Variants in USP6NL observed in about 807,000 individuals in gnomAD.
USP6NL encodes USP6 N-terminal like.
USP6NL carries 26 observed loss-of-function variants against 61.9 expected under a neutral mutation model. The observed-to-expected ratio is 0.42, with a 90% CI of 0.31 to 0.58. The LOEUF (loss-of-function observed/expected upper bound fraction) is 0.58. Among genes scored for constraint, USP6NL ranks in the 20% least tolerant of loss-of-function variants. USP6NL has a pLI of 0.16. For missense variants in USP6NL, 1,114 were observed against 1,034.3 expected (o/e 1.08, Z -1.06); for synonymous variants, 432 against 390.1 (o/e 1.11, Z -1.27).
chr10:11,603,848 A>G (rs1838629071), intron 1 of USP6NL, among the ~76,000 whole-genome samples: 1 of 152,224 alleles, frequency 6.6e-6, no homozygotes, highest in African/African-American at 2.4e-5. Context: ...GAAAATCGGA[A>G]AACTTATGGA....
chr10:11,555,451 T>TATATAGAGAGAG (rs1427219382), intron 2 of USP6NL, among the ~76,000 whole-genome samples: 8 of 60,994 alleles, frequency 1.3e-4, no homozygotes, highest in East Asian at 1.9e-3. Flanking sequence ...TATATATATA[T>TATATAGAGAGAG]AGAGAGAGAG....
chr10:11,482,641 A>G lies in USP6NL; in HGVS notation c.926-719T>C, dbSNP rs143603977. ...GATATCTCTCATTTCAACAAATATG[A>G]TGTGTACTATATGTAAGCATTGTAA... is the stretch of plus-strand genomic sequence containing the variant. On this transcript the variant is annotated intron_variant, in intron 13 of 14. Transcript: ENST00000609104. The surrounding 1 kb of genome is among the most constrained non-coding windows in gnomAD (Gnocchi z 4.0). Among the ~76,000 whole-genome samples, 190 of 152,312 alleles carry G rather than the reference A, an allele frequency of 1.2e-3. 7 individuals are homozygous for G. In the East Asian group the frequency reaches 0.031, roughly 25 times the overall value.
Position 11,602,520 on chromosome 10 carries a change from A to T in USP6NL, c.-83-4803T>A, listed in dbSNP as rs1471021347. Among the ~76,000 whole-genome samples the T allele has an allele frequency of 6.6e-6, 1 of 152,212 alleles. No homozygotes were observed. Among genetic ancestry groups the T allele is most frequent in the East Asian group, 1.9e-4 (1 of 5,192 alleles). Reference sequence around the variant, plus strand: ...CGCAGACACTGCCAAGAACAAAGCCAAGTCTCTCGCATCATGGAATGTACA... The same window carrying T: ...CGCAGACACTGCCAAGAACAAAGCCTAGTCTCTCGCATCATGGAATGTACA... On this transcript the variant is annotated intron_variant, in intron 1 of 14. Coordinates refer to ENST00000609104, the MANE Select transcript of USP6NL (RefSeq NM_014688.5). The surrounding 1 kb of genome is among the most constrained non-coding windows in gnomAD (Gnocchi z 4.8).
In USP6NL at chr10:11,525,506, T is replaced by C; in HGVS notation, c.73-38A>G. On this transcript the variant is annotated intron_variant, in intron 3 of 14. Coordinates refer to ENST00000609104, the MANE Select transcript of USP6NL (RefSeq NM_014688.5). The surrounding 1 kb of genome is among the most constrained non-coding windows in gnomAD (Gnocchi z 5.0). ...ACAAAAAAAGGTGTTAATCAGAGTT[T>C]ATAAAACTGAATAATTTTTTAAAAT... The C allele has an allele frequency of 6.7e-7, 1 of 1,484,778 alleles. No individual in the cohort carries two copies. Among genetic ancestry groups the C allele is most frequent in the Non-Finnish European group, 9.0e-7 (1 of 1,109,566 alleles). 92.0% of individuals were successfully genotyped at this position (1,484,778 alleles called of 1,614,324 possible).
At position 11,553,403 on chromosome 10, in the gene USP6NL, A is replaced by T. The variant is rs1218612795; in HGVS notation, c.5-25836T>A. Among the ~76,000 whole-genome samples the T allele has an allele frequency of 6.6e-6, 1 of 152,218 alleles. No individual in the cohort carries two copies. Among genetic ancestry groups the T allele is most frequent in the Non-Finnish European group, 1.5e-5 (1 of 68,036 alleles). On this transcript the variant is annotated intron_variant, in intron 2 of 14. Coordinates refer to ENST00000609104, the MANE Select transcript of USP6NL (RefSeq NM_014688.5). The surrounding 1 kb of genome is among the most constrained non-coding windows in gnomAD (Gnocchi z 4.8). ...CTCCAGGTTTCCTTGTGTGGATGTC[A>T]TTTCAGCAAGGATACCAGAAATAAT... is the stretch of plus-strand genomic sequence containing the variant.
Position 11,474,449 on chromosome 10 carries a change from T to G in USP6NL, c.1078+7321A>C, listed in dbSNP as rs1244518140. Among the ~76,000 whole-genome samples the G allele has an allele frequency of 6.6e-6, 1 of 152,136 alleles. No individual in the cohort carries two copies. Among genetic ancestry groups the G allele is most frequent in the Non-Finnish European group, 1.5e-5 (1 of 68,010 alleles). ...GAAATTTGATACATTGAAAGGAAAC[T>G]GGATATATTACATTTATAAAGGCAA... On this transcript the variant is annotated intron_variant, in intron 14 of 14. Transcript: ENST00000609104. This position sits in a 1 kb window ranked among gnomAD's most constrained non-coding sequence, Gnocchi z 4.9.
intron 8 of USP6NL, 134 bp downstream of exon 8, chr10:11,492,985 C>T (rs899250555): frequency 3.3e-5 from 22 of 666,032 alleles, no homozygotes; most frequent in East Asian, 2.6e-4. Context: ...ACAACATGGA[C>T]GCAAATGATC....
At chr10:11,469,917 T>A (rs893698497) in intron 14 of USP6NL, among the ~76,000 whole-genome samples, 1 of 152,222 alleles carries the variant, frequency 6.6e-6, no homozygotes, top group Non-Finnish European at 1.5e-5. Context: ...GAACATTTGC[T>A]GATGCTAACG....
Position 11,462,979 on chromosome 10 carries a change from T to C in USP6NL, c.1949A>G (p.Asn650Ser), listed in dbSNP as rs549572103. The C allele has an allele frequency of 6.2e-7, 1 of 1,613,668 alleles. No individual in the cohort carries two copies. The highest frequency in any genetic ancestry group is 1.7e-5 in the Admixed American group (1 of 59,992). The part of the protein sequence containing the change: ...GNSPKHFPTA[N>S]SSFASPQFSP... ...AAACTGTGGAGAAGCAAAGCTGCTG[T>C]TGGCAGTAGGGAAGTGTTTGGGAGA... Residue 650 changes from asparagine to serine, a missense_variant, in exon 15 of 15, where the codon AAC becomes AGC. Physicochemically the swap from Asn to Ser is conservative, Grantham distance 46. Transcript: ENST00000609104.
Position 11,532,422 on chromosome 10 carries a change from T to C in USP6NL, c.5-4855A>G. The C allele has an allele frequency of 1.9e-6, 1 of 517,350 alleles. No individual in the cohort carries two copies. Among genetic ancestry groups the C allele is most frequent in the African/African-American group, 1.9e-5 (1 of 52,018 alleles). The allele number at this position is 517,350 out of a possible 1,614,324, so 32.0% of individuals were successfully genotyped here. A position where few individuals can be genotyped will look rare whatever the true frequency, so the allele number is the denominator to read the frequency against. On this transcript the variant is annotated intron_variant, in intron 2 of 14. Coordinates refer to ENST00000609104, the MANE Select transcript of USP6NL (RefSeq NM_014688.5). This position sits in a 1 kb window ranked among gnomAD's most constrained non-coding sequence, Gnocchi z 4.1. ...GTTTGAGATGCACTCTGTCTTCTTC[T>C]AAGGGAGAAAAAAACCTTGCTGTGG...
chr10:11,493,793 G>GCGGC lies in USP6NL; in HGVS notation c.385-569_385-566dup, dbSNP rs144075627. 0.015 allele frequency among the ~76,000 whole-genome samples: 2,278 copies of GCGGC among 148,728 alleles called. 203 individuals are homozygous for GCGGC. In the East Asian group the frequency reaches 0.28, roughly 19 times the overall value. Reference sequence around the variant, plus strand: ...GACCTCTGGGCCTGTTCCTGCCTGTGCGGCCGGACCTCTGGGCCTGCTCCT... The same window carrying GCGGC: ...GACCTCTGGGCCTGTTCCTGCCTGTGCGGCCGGCCGGACCTCTGGGCCTGCTCCT... On this transcript the variant is annotated intron_variant, in intron 7 of 14. Transcript: ENST00000609104.
chr10:11,489,252 G>A lies in USP6NL; in HGVS notation c.544-30C>T. ...GGAGCAAAGGGGAACACAGAAGCTGGGGAGTTCAGTCGAATTACATGCATA... is the reference window on the plus strand; with the variant it reads ...GGAGCAAAGGGGAACACAGAAGCTGAGGAGTTCAGTCGAATTACATGCATA... On this transcript the variant is annotated intron_variant, in intron 9 of 14. Transcript: ENST00000609104. This position sits in a 1 kb window ranked among gnomAD's most constrained non-coding sequence, Gnocchi z 5.7. The A allele has an allele frequency of 6.2e-7, 1 of 1,612,218 alleles. No individual in the cohort carries two copies. The highest frequency in any genetic ancestry group is 8.5e-7 in the Non-Finnish European group (1 of 1,178,824).
Position 11,589,251 on chromosome 10 carries a change from T to C in USP6NL, c.4+8380A>G, listed in dbSNP as rs540821476. ...ATTATAGTGGTCTGAATTAACCACT[T>C]AGCATGTAAATTTCTGTTATATTAG... On this transcript the variant is annotated intron_variant, in intron 2 of 14. Coordinates refer to ENST00000609104, the MANE Select transcript of USP6NL (RefSeq NM_014688.5). The surrounding 1 kb of genome is among the most constrained non-coding windows in gnomAD (Gnocchi z 4.7). Among the ~76,000 whole-genome samples the C allele has an allele frequency of 1.6e-3, 237 of 152,340 alleles. No individual in the cohort carries two copies. Among genetic ancestry groups the C allele is most frequent in the Non-Finnish European group, 3.1e-3 (209 of 68,030 alleles).
intron 2 of USP6NL, among the ~76,000 whole-genome samples, chr10:11,580,884 G>C (rs1170452408): frequency 6.6e-6 from 1 of 151,924 alleles, no homozygotes; most frequent in Non-Finnish European, 1.5e-5. Flanking sequence ...TGGATGGATG[G>C]ATGGATGGAT....
chr10:11,531,261 A>G (rs1027182929), intron 2 of USP6NL, among the ~76,000 whole-genome samples: 6 of 152,220 alleles, frequency 3.9e-5, no homozygotes, highest in Admixed American at 2.6e-4. Context: ...AGCTGAAGAA[A>G]AAGTTCCTAT....
In USP6NL at chr10:11,482,864, T is replaced by A. The variant is rs1212539172; in HGVS notation, c.926-942A>T. On this transcript the variant is annotated intron_variant, in intron 13 of 14. Transcript: ENST00000609104. This position sits in a 1 kb window ranked among gnomAD's most constrained non-coding sequence, Gnocchi z 4.0. ...GCCCAGAAAGAGTTTTTCTTTTTTT[T>A]AATTGGCTAATGACAAATTGTATAT... Among the ~76,000 whole-genome samples, 3 of 152,360 alleles carry A rather than the reference T, an allele frequency of 2.0e-5. No homozygotes were observed. The highest frequency in any genetic ancestry group is 3.9e-4 in the East Asian group (2 of 5,188).
chr10:11,545,371 G>T (rs1836234431), intron 2 of USP6NL, among the ~76,000 whole-genome samples: 1 of 152,176 alleles, frequency 6.6e-6, no homozygotes, highest in African/African-American at 2.4e-5. Context: ...CTTCTCTCCT[G>T]TGGCCAAAAG....
intron 2 of USP6NL, among the ~76,000 whole-genome samples, chr10:11,570,760 C>T (rs768436969): frequency 2.7e-4 from 41 of 152,156 alleles, no homozygotes; most frequent in Non-Finnish European, 5.4e-4. Flanking sequence ...ACTTTTCAGT[C>T]GGCTCGATGG....
rs905832384 is a variant in USP6NL at position 11,596,291 on chromosome 10, T to C, written c.4+1340A>G. On this transcript the variant is annotated intron_variant, in intron 2 of 14. Transcript: ENST00000609104. This position sits in a 1 kb window ranked among gnomAD's most constrained non-coding sequence, Gnocchi z 4.1. ...GTTAGCACTTTACATTAGATAAACTTTCTCACAAAATGTCATGATTGGAGC... is the reference window on the plus strand; with the variant it reads ...GTTAGCACTTTACATTAGATAAACTCTCTCACAAAATGTCATGATTGGAGC... 2.0e-5 allele frequency among the ~76,000 whole-genome samples: 3 copies of C among 152,182 alleles called. No individual in the cohort carries two copies. The highest frequency in any genetic ancestry group is 4.8e-5 in the African/African-American group (2 of 41,448).
Sources: allele counts gnomAD v4.1 joint callset (sites outside exome capture counted in the v4.1 genomes callset), GRCh38; gene constraint gnomAD v4.1.1; non-coding constraint Gnocchi (gnomAD v3.1); transcripts MANE v1.5; gene names NCBI Gene and HGNC (gene_info 2026-07-23, HGNC 2026-07-21).